The following FBN1 variants were observed in gnomAD, a reference collection of about 807,000 sequenced individuals.
FBN1 encodes fibrillin-1.
FBN1 carries 29 observed loss-of-function variants against 365.1 expected under a neutral mutation model. That is an observed-to-expected ratio of 0.08 (90% CI 0.06 to 0.11). The LOEUF (loss-of-function observed/expected upper bound fraction) is 0.11. Ranked by LOEUF, FBN1 falls within the 10% of genes least tolerant of loss-of-function variation. The pLI is 1.00. For synonymous variants in FBN1, 1,210 were observed against 1,270.5 expected, an observed-to-expected ratio of 0.95 and a Z score of 1.01; for missense variants, 2,476 against 3,703.2, an observed-to-expected ratio of 0.67 and a Z score of 8.60.
chr15:48,546,462 A>G (rs2044094342), intron 6 of FBN1, among the ~76,000 whole-genome samples: 1 of 152,220 alleles, frequency 6.6e-6, no homozygotes. Flanking sequence ...GGAGACAGCA[A>G]GAACAGTGGC....
intron 35 of FBN1, among the ~76,000 whole-genome samples, chr15:48,471,165 G>A (rs1392989217): frequency 6.6e-6 from 1 of 151,972 alleles, no homozygotes; most frequent in Non-Finnish European, 1.5e-5. Context: ...TCAGGGAACT[G>A]TCATAATTAG....
Position 48,470,680 on chromosome 15 carries a change from C to T in FBN1, c.4413G>A (p.Glu1471=), listed in dbSNP as rs756143911. Residue 1471 remains glutamate (E), a synonymous_variant, in exon 36 of 66, where the codon GAG becomes GAA. Transcript: ENST00000316623. ...CHNLPGLFRC[E]CEIGYELDRS... ...TGTCCAGTTCGTAGCCTATCTCACACTCACAGCGGAACAGGCCAGGGAGGT... is the reference window on the plus strand; with the variant it reads ...TGTCCAGTTCGTAGCCTATCTCACATTCACAGCGGAACAGGCCAGGGAGGT... The T allele has an allele frequency of 1.4e-5, 23 of 1,613,958 alleles. No homozygotes were observed. Among genetic ancestry groups the T allele is most frequent in the Non-Finnish European group, 1.9e-5 (22 of 1,180,018 alleles).
In FBN1 at chr15:48,490,175, A is replaced by G. The variant is rs560207674; in HGVS notation, c.2855-97T>C. On this transcript the variant is annotated intron_variant, in intron 24 of 65. Transcript: ENST00000316623. The stretch of plus-strand genomic sequence containing the variant: ...TTAGGTAAAATACTGCACACATAAT[A>G]ATTTGCTGTATACTTATTGACTGGA... 1,673 of 1,030,808 alleles carry G rather than the reference A, an allele frequency of 1.6e-3. 1 individual carries two copies. Among genetic ancestry groups the G allele is most frequent in the Middle Eastern group, 4.9e-3 (21 of 4,300 alleles). 63.9% of individuals were successfully genotyped at this position (1,030,808 alleles called of 1,614,324 possible). A position where few individuals can be genotyped will look rare whatever the true frequency, so the allele number is the denominator to read the frequency against.
rs140047207 is a variant in FBN1, at chr15:48,480,114, G to A, written c.3964+1541C>T. Reference sequence around the variant, plus strand: ...CCTAAAATAATCAGCCACTGCACATGACCCAGTTAGCTAGAATTTGGAGCA... The same window carrying A: ...CCTAAAATAATCAGCCACTGCACATAACCCAGTTAGCTAGAATTTGGAGCA... On this transcript the variant is annotated intron_variant, in intron 32 of 65. Coordinates refer to ENST00000316623, the MANE Select transcript of FBN1 (RefSeq NM_000138.5). 2.6e-3 allele frequency among the ~76,000 whole-genome samples: 394 copies of A among 152,220 alleles called. 2 individuals carry two copies. The highest frequency in any genetic ancestry group is 4.2e-3 in the Non-Finnish European group (285 of 67,986).
chr15:48,547,149 T>A (rs1331320843), intron 6 of FBN1, among the ~76,000 whole-genome samples: 1 of 152,182 alleles, frequency 6.6e-6, no homozygotes, highest in Non-Finnish European at 1.5e-5. Flanking sequence ...TTTTGCTTTT[T>A]TATAAATTTC....
At chr15:48,575,599 T>C (rs893121620) in intron 6 of FBN1, among the ~76,000 whole-genome samples, 2 of 152,166 alleles carry the variant, frequency 1.3e-5, no homozygotes, top group African/African-American at 4.8e-5. Flanking sequence ...ACATGTAATA[T>C]TTGGCTCTGT....
intron 35 of FBN1, among the ~76,000 whole-genome samples, chr15:48,471,297 G>A (rs2043375047): frequency 6.6e-6 from 1 of 152,044 alleles, no homozygotes; most frequent in Non-Finnish European, 1.5e-5. Context: ...TTCTTCGTGT[G>A]CAGTTGACAC....
chr15:48,584,719 T>C (rs2044422544), intron 6 of FBN1, among the ~76,000 whole-genome samples: 1 of 152,142 alleles, frequency 6.6e-6, no homozygotes, highest in Non-Finnish European at 1.5e-5. Context: ...CCAATCCCAC[T>C]CCAAATTATG....
chr15:48,637,773 G>C (rs1289382233), intron 2 of FBN1, among the ~76,000 whole-genome samples: 3 of 152,108 alleles, frequency 2.0e-5, no homozygotes, highest in Admixed American at 2.0e-4. Context: ...CAAGATCTCT[G>C]CCTTCAAGGA....
intron 32 of FBN1, among the ~76,000 whole-genome samples, chr15:48,478,023 A>T (rs533605773): frequency 1.3e-5 from 2 of 152,204 alleles, no homozygotes; most frequent in South Asian, 2.1e-4. Flanking sequence ...ACGCAGGGAG[A>T]GGCTGTATCA....
At position 48,562,129 on chromosome 15, in the gene FBN1, A is replaced by G. The variant is rs192486425; in HGVS notation, c.539-24321T>C. The stretch of plus-strand genomic sequence containing the variant: ...TGGAATCAAGCCTGGACTCCCATCA[A>G]TTAGCTCTGTGACCCCTGGTTAGTA... On this transcript the variant is annotated intron_variant, in intron 6 of 65. Transcript: ENST00000316623. Among the ~76,000 whole-genome samples the G allele has an allele frequency of 1.3e-3, 199 of 152,244 alleles. 1 individual carries two copies. Among genetic ancestry groups the G allele is most frequent in the African/African-American group, 4.5e-3 (188 of 41,564 alleles).
Position 48,481,219 on chromosome 15 carries a change from G to T in FBN1, c.3964+436C>A, listed in dbSNP as rs117039556. On this transcript the variant is annotated intron_variant, in intron 32 of 65. Coordinates refer to ENST00000316623, the MANE Select transcript of FBN1 (RefSeq NM_000138.5). The stretch of plus-strand genomic sequence containing the variant: ...AGGCACTGGAAGACTAGTGAGAATT[G>T]ATGAAATATATGAATTGTAGGATGT... Among the ~76,000 whole-genome samples the T allele has an allele frequency of 4.6e-5, 7 of 152,298 alleles. No homozygotes were observed. In the East Asian group the frequency reaches 1.3e-3, roughly 29 times the overall value.
chr15:48,449,695 T>G (rs1437349171), intron 45 of FBN1, among the ~76,000 whole-genome samples: 4 of 152,210 alleles, frequency 2.6e-5, no homozygotes, highest in Non-Finnish European at 5.9e-5. Flanking sequence ...TTAGAGTAAA[T>G]GTACTTTGAA....
In FBN1 at chr15:48,463,889, T is replaced by C. The variant is rs375945405; in HGVS notation, c.5065+10A>G. ...CCAAACATGCATTACTGAGAAAAGC[T>C]TGGACTTACCCATGCAATTATTTCC... On this transcript the variant is annotated intron_variant, in intron 41 of 65. Coordinates refer to ENST00000316623, the MANE Select transcript of FBN1 (RefSeq NM_000138.5). The C allele has an allele frequency of 2.3e-4, 377 of 1,607,288 alleles. 5 individuals carry two copies. Among genetic ancestry groups the C allele is most frequent in the South Asian group, 2.3e-3 (208 of 89,744 alleles).
rs1555396422 is a variant in FBN1 at position 48,456,674 on chromosome 15, C to G, written c.5385G>C (p.Val1795=). ...ACAACTTGTCATTATAGAAGAATCC[C>G]ACTGGACATTCACATCGGAAGCTGC... ...MVGSFRCECP[V]GFFYNDKLLV... The change falls in exon 44 of 66, where the codon GTG becomes GTC. Residue 1795 remains valine (V), a synonymous_variant. Coordinates refer to ENST00000316623, the MANE Select transcript of FBN1 (RefSeq NM_000138.5). The G allele has an allele frequency of 1.9e-6, 3 of 1,613,990 alleles. No homozygotes were observed. Among genetic ancestry groups the G allele is most frequent in the Middle Eastern group, 1.7e-4 (1 of 6,060 alleles).
At chr15:48,600,366 T>C (rs2044552782) in intron 4 of FBN1, 132 bp from the exon 5 acceptor site, 2 of 720,028 alleles carry the variant, frequency 2.8e-6, no homozygotes, top group Non-Finnish European at 5.0e-6. Flanking sequence ...TTTTACCTGA[T>C]AATGACCTAA....
intron 23 of FBN1, among the ~76,000 whole-genome samples, chr15:48,493,752 G>C (rs567722198): frequency 1.3e-5 from 2 of 152,158 alleles, no homozygotes; most frequent in Non-Finnish European, 2.9e-5. Flanking sequence ...TGAAACTCCA[G>C]GAGAAAGAAT....
chr15:48,645,095 C>T (rs571366526), intron 1 of FBN1, 145 bp from the exon 2 acceptor site: 7 of 212,476 alleles, frequency 3.3e-5, no homozygotes, highest in African/African-American at 1.6e-4. Flanking sequence ...CCGTTTGGTC[C>T]ACAGCTGGCT....
At chr15:48,453,170 C>T (rs1195590188) in intron 44 of FBN1, among the ~76,000 whole-genome samples, 2 of 151,764 alleles carry the variant, frequency 1.3e-5, no homozygotes, top group Non-Finnish European at 2.9e-5. Flanking sequence ...GCAGGAGAAC[C>T]GTTTGAGCCT....
Sources: gnomAD v4.1 joint callset for allele counts (sites outside exome capture counted in the v4.1 genomes callset) on GRCh38, gnomAD v4.1.1 for gene constraint, MANE v1.5 for transcripts, NCBI Gene and HGNC (gene_info 2026-07-23, HGNC 2026-07-21) for gene names.